Variants in RPRD2 observed in about 807,000 individuals in gnomAD.
RPRD2 encodes regulation of nuclear pre-mRNA domain-containing protein 2.
In RPRD2, 12 loss-of-function variants were observed where a neutral mutation model predicts 104.4. The observed-to-expected ratio is 0.11, with a 90% CI of 0.07 to 0.19. The LOEUF is 0.19. Among genes scored for constraint, RPRD2 ranks in the 10% least tolerant of loss-of-function variants. The pLI is 1.00. For synonymous variants in RPRD2, 714 were observed against 684.9 expected (o/e 1.04, Z -0.66); for missense variants, 1,543 against 1,790.1 (o/e 0.86, Z 2.49).
intron 2 of RPRD2, among the ~76,000 whole-genome samples, chr1:150,431,016 A>G (rs1665529724): frequency 6.6e-6 from 1 of 152,178 alleles, no homozygotes; most frequent in Non-Finnish European, 1.5e-5. Flanking sequence ...CATATACTAA[A>G]TAGCATAAAT....
At chr1:150,400,885 TAA>T (rs1553885207) in intron 1 of RPRD2, among the ~76,000 whole-genome samples, 4 of 148,504 alleles carry the variant, frequency 2.7e-5, no homozygotes, top group Non-Finnish European at 3.0e-5. Context: ...TTTTTTTTTT[TAA>T]AAAAAAGAGG....
chr1:150,475,935 G>A lies in RPRD2; in HGVS notation c.*2601G>A, dbSNP rs920931398. On this transcript the variant is annotated 3_prime_UTR_variant, in exon 11 of 11. Transcript: ENST00000369068. ...GACATGATTCATATGGAAGCAGAAT[G>A]TGAGAAGTTGTAAGGTCCTTGGTAC... 3 of 152,220 alleles carry A rather than the reference G, an allele frequency of 2.0e-5. No homozygotes were observed. Among genetic ancestry groups the A allele is most frequent in the Admixed American group, 6.5e-5 (1 of 15,280 alleles). The allele number at this position is 152,220 out of a possible 1,614,324, so 9.4% of individuals were successfully genotyped here.
chr1:150,392,430 A>G (rs1260707439), intron 1 of RPRD2, among the ~76,000 whole-genome samples: 1 of 152,090 alleles, frequency 6.6e-6, no homozygotes, highest in Non-Finnish European at 1.5e-5. Flanking sequence ...GCTGGAACCC[A>G]GGAGGCGAAG....
At position 150,470,780 on chromosome 1, in the gene RPRD2, T is replaced by C. The variant is rs767340916; in HGVS notation, c.1832T>C (p.Ile611Thr). 2.1e-5 allele frequency: 34 copies of C among 1,613,938 alleles called. No homozygotes were observed. The highest frequency in any genetic ancestry group is 6.7e-5 in the East Asian group (3 of 44,906). The change falls in exon 11 of 11, where the codon ATT (isoleucine) becomes ACT (threonine). Residue 611 changes from isoleucine (I) to threonine (T), a missense_variant. Physicochemically the swap from Ile to Thr is moderately conservative, Grantham distance 89 (BLOSUM62 -1). Around this residue, in one of 4 missense-constraint regions of RPRD2, gnomAD observed 572 missense variants for 787.3 expected, o/e 0.73. Transcript: ENST00000369068. Reference sequence around the variant, plus strand: ...TCAACTTCAGCCAGCAAGGCCTCAATTGGGCAAAGCCCAGGGCTCCCAAGC... The same window carrying C: ...TCAACTTCAGCCAGCAAGGCCTCAACTGGGCAAAGCCCAGGGCTCCCAAGC... ...VSSTSASKAS[I>T]GQSPGLPSTT...
intron 1 of RPRD2, among the ~76,000 whole-genome samples, chr1:150,398,613 G>A (rs1018030356): frequency 2.0e-5 from 3 of 151,310 alleles, no homozygotes; most frequent in East Asian, 3.9e-4. Flanking sequence ...GTGTGAACTC[G>A]GCTCACTACA....
intron 1 of RPRD2, among the ~76,000 whole-genome samples, chr1:150,405,290 T>C (rs1373446700): frequency 6.6e-6 from 1 of 152,234 alleles, no homozygotes; most frequent in Non-Finnish European, 1.5e-5. Context: ...AATTTAGATA[T>C]GGCTCTTTCA....
chr1:150,417,552 A>G (rs1664438352), intron 1 of RPRD2, 44 bp from the exon 2 acceptor site: 1 of 1,444,208 alleles, frequency 6.9e-7, no homozygotes, highest in African/African-American at 1.4e-5. Flanking sequence ...ACTAAGTGCA[A>G]ATTGACTCAT....
intron 2 of RPRD2, among the ~76,000 whole-genome samples, chr1:150,438,842 C>CT (rs797042825): frequency 1.5e-3 from 222 of 146,700 alleles, no homozygotes; most frequent in African/African-American, 4.5e-3. Context: ...CATATCTAAA[C>CT]TTTTTTTTTT....
intron 2 of RPRD2, among the ~76,000 whole-genome samples, chr1:150,421,460 G>A (rs1232016097): frequency 3.3e-5 from 5 of 152,026 alleles, no homozygotes; most frequent in African/African-American, 1.2e-4. Flanking sequence ...TTTATACTCT[G>A]TAATCCCAGT....
intron 7 of RPRD2, among the ~76,000 whole-genome samples, chr1:150,446,901 T>C (rs1284351887): frequency 4.2e-5 from 6 of 142,426 alleles, no homozygotes; most frequent in Non-Finnish European, 7.5e-5. Context: ...AGTGGTGCAA[T>C]CTCAGCACAC....
Position 150,364,683 on chromosome 1 carries a change from G to C in RPRD2, c.-32G>C. On this transcript the variant is annotated 5_prime_UTR_variant, in exon 1 of 11. Coordinates refer to ENST00000369068, the MANE Select transcript of RPRD2 (RefSeq NM_015203.5). ...GCCGCCGCCGCCGCCGCCGCCGCCA[G>C]AGGAGCAGCAGCGCTTGTGCAAACC... The C allele has an allele frequency of 2.2e-6, 3 of 1,335,230 alleles. No homozygotes were observed. In the South Asian group the frequency reaches 4.0e-5, roughly 18 times the overall value. 82.7% of individuals were successfully genotyped at this position (1,335,230 alleles called of 1,614,324 possible).
Position 150,471,914 on chromosome 1 carries a change from C to G in RPRD2, c.2966C>G (p.Pro989Arg). The G allele has an allele frequency of 6.2e-7, 1 of 1,613,958 alleles. No individual in the cohort carries two copies. Among genetic ancestry groups the G allele is most frequent in the Non-Finnish European group, 8.5e-7 (1 of 1,179,880 alleles). ...NTLAAPTGHP[P>R]TSGVEKVLAS... ...CTTGCCGCTCCCACGGGTCACCCAC[C>G]CACGTCAGGCGTGGAGAAAGTCCTG... The change falls in exon 11 of 11, where the codon CCC becomes CGC. Residue 989 changes from proline (P) to arginine (R), a missense_variant. By Grantham distance (103) the Pro-to-Arg change is moderately radical (BLOSUM62 -2). Transcript: ENST00000369068. The surrounding 1 kb of genome is among the most constrained non-coding windows in gnomAD (Gnocchi z 5.3).
rs919013653 is a variant in RPRD2, at chr1:150,450,447, A to C, written c.870+4046A>C. ...CGGTGAAACCCCGTCTCTACTAAAA[A>C]TTAAAAAAAATTAGGTGGGCGTGGT... On this transcript the variant is annotated intron_variant, in intron 7 of 10. Transcript: ENST00000369068. Among the ~76,000 whole-genome samples, 98 of 151,340 alleles carry C rather than the reference A, an allele frequency of 6.5e-4. 1 individual carries two copies. The highest frequency in any genetic ancestry group is 1.6e-3 in the Admixed American group (24 of 15,178).
intron 10 of RPRD2, among the ~76,000 whole-genome samples, chr1:150,466,579 A>G (rs186945821): frequency 9.4e-4 from 141 of 150,762 alleles, no homozygotes; most frequent in African/African-American, 3.2e-3. Flanking sequence ...AGACATGAAT[A>G]TATCTTTTTT....
intron 1 of RPRD2, among the ~76,000 whole-genome samples, chr1:150,368,346 G>A (rs939506889): frequency 6.6e-6 from 1 of 150,840 alleles, no homozygotes; most frequent in Admixed American, 6.6e-5. Context: ...AGTCTGGAGT[G>A]CGGTGGCGTG....
intron 2 of RPRD2, among the ~76,000 whole-genome samples, chr1:150,435,045 C>CT (rs1346319596): frequency 4.6e-5 from 7 of 152,040 alleles, no homozygotes; most frequent in Non-Finnish European, 7.4e-5. Context: ...TCATTCATGT[C>CT]TCTGTGTCAC....
rs780014082 is a variant in RPRD2 at position 150,471,766 on chromosome 1, C to G, written c.2818C>G (p.Pro940Ala). ...SPSKNDSFFT[P>A]DSNHNSLSQS... is the part of the protein sequence containing the mutation. ...GAGTAAGAATGATTCATTTTTCACCCCTGACTCCAACCACAATAGCTTGTC... is the reference window on the plus strand; with the variant it reads ...GAGTAAGAATGATTCATTTTTCACCGCTGACTCCAACCACAATAGCTTGTC... The change falls in exon 11 of 11, where the codon CCT becomes GCT. Residue 940 changes from proline to alanine, a missense_variant. By Grantham distance (27) the Pro-to-Ala change is conservative. Coordinates refer to ENST00000369068, the MANE Select transcript of RPRD2 (RefSeq NM_015203.5). This position sits in a 1 kb window ranked among gnomAD's most constrained non-coding sequence, Gnocchi z 5.3. The G allele has an allele frequency of 1.9e-6, 3 of 1,613,796 alleles. No homozygotes were observed. The highest frequency in any genetic ancestry group is 2.5e-6 in the Non-Finnish European group (3 of 1,179,886).
At chr1:150,388,497 G>GCACACA (rs143626934) in intron 1 of RPRD2, among the ~76,000 whole-genome samples, 1,514 of 90,210 alleles carry the variant, frequency 0.017, 50 homozygotes, top group Admixed American at 0.088. Context: ...ATATACCCGC[G>GCACACA]CACACACACA....
At chr1:150,381,671 A>AT (rs1392249369) in intron 1 of RPRD2, among the ~76,000 whole-genome samples, 1 of 151,628 alleles carries the variant, frequency 6.6e-6, no homozygotes, top group East Asian at 1.9e-4. Flanking sequence ...CGCCTGGCTA[A>AT]TTTTTTGTAT....
Sources: gnomAD v4.1 joint callset for allele counts (sites outside exome capture counted in the v4.1 genomes callset) on GRCh38, gnomAD v4.1.1 for gene constraint, gnomAD v4.1.1 regional missense constraint, Gnocchi (gnomAD v3.1) non-coding constraint, MANE v1.5 for transcripts, NCBI Gene and HGNC (gene_info 2026-07-23, HGNC 2026-07-21) for gene names.